PHACTR3: variants seen among roughly 807,000 people sequenced by gnomAD.
PHACTR3 encodes the protein phosphatase and actin regulator 3.
A neutral mutation model predicts 66.8 loss-of-function variants in PHACTR3; 16 were observed. That is an observed-to-expected ratio of 0.24 (90% CI 0.16 to 0.36). The LOEUF is 0.36. Among genes scored for constraint, PHACTR3 ranks in the 10% least tolerant of loss-of-function variants. The pLI, the probability that PHACTR3 is intolerant of heterozygous loss-of-function variation, is 1.00. For missense variants in PHACTR3, 647 were observed against 719.9 expected (o/e 0.90, Z 1.16); for synonymous variants, 323 against 292.1 (o/e 1.11, Z -1.08).
chr20:59,650,145 CAAAG>C (rs372420918), intron 1 of PHACTR3, among the ~76,000 whole-genome samples: 10 of 151,904 alleles, frequency 6.6e-5, no homozygotes, highest in Non-Finnish European at 8.8e-5. Flanking sequence ...ACACATGAAA[CAAAG>C]AAATATTTAT....
chr20:59,662,278 G>A (rs778635166), intron 1 of PHACTR3, among the ~76,000 whole-genome samples: 18 of 152,166 alleles, frequency 1.2e-4, no homozygotes, highest in Non-Finnish European at 2.5e-4. Context: ...TATGGTGGGG[G>A]CATTTAGCAG....
intron 7 of PHACTR3, among the ~76,000 whole-genome samples, chr20:59,786,821 A>G (rs977443983): frequency 3.3e-5 from 5 of 151,288 alleles, no homozygotes. Context: ...TTTTCTGTGC[A>G]GTTGACGGGT....
intron 1 of PHACTR3, among the ~76,000 whole-genome samples, chr20:59,589,835 C>A (rs1312409495): frequency 6.6e-6 from 1 of 152,242 alleles, no homozygotes; most frequent in African/African-American, 2.4e-5. Flanking sequence ...AGTGCCAATT[C>A]TAGAAGAGGG....
chr20:59,709,078 T>A (rs2146638799), intron 1 of PHACTR3, among the ~76,000 whole-genome samples: 1 of 152,312 alleles, frequency 6.6e-6, no homozygotes, highest in African/African-American at 2.4e-5. Context: ...ATGCTCTTCA[T>A]AGAGTATGAG....
intron 1 of PHACTR3, among the ~76,000 whole-genome samples, chr20:59,695,074 C>A (rs1448093729): frequency 6.6e-6 from 1 of 152,042 alleles, no homozygotes; most frequent in South Asian, 2.1e-4. Context: ...CCCAGTCACA[C>A]AAAACCCCAC....
Position 59,829,911 on chromosome 20 carries a change from G to C in PHACTR3, c.1329-6594G>C, listed in dbSNP as rs1177783757. ...GCGTTTAGTGGGGCAGCCTGGCTGG[G>C]TGGGGCTTCATTGGGGAAGCAAAGC... On this transcript the variant is annotated intron_variant, in intron 8 of 12. Coordinates refer to ENST00000371015, the MANE Select transcript of PHACTR3 (RefSeq NM_080672.5). This position sits in a 1 kb window ranked among gnomAD's most constrained non-coding sequence, Gnocchi z 4.2. 6.6e-6 allele frequency among the ~76,000 whole-genome samples: 1 copy of C among 152,196 alleles called. No homozygotes were observed. The highest frequency in any genetic ancestry group is 6.5e-5 in the Admixed American group (1 of 15,288).
At chr20:59,841,740 T>G (rs553742408) in intron 11 of PHACTR3, among the ~76,000 whole-genome samples, 1 of 152,252 alleles carries the variant, frequency 6.6e-6, no homozygotes, top group Admixed American at 6.5e-5. Flanking sequence ...GAGGGACATT[T>G]GGCAATGTCT....
intron 1 of PHACTR3, among the ~76,000 whole-genome samples, chr20:59,694,942 G>A (rs1444258237): frequency 6.6e-6 from 1 of 152,100 alleles, no homozygotes; most frequent in East Asian, 1.9e-4. Context: ...ATGGCTTTGA[G>A]CAGCAATTGG....
At chr20:59,638,541 G>A (rs1249481667) in intron 1 of PHACTR3, among the ~76,000 whole-genome samples, 1 of 118,316 alleles carries the variant, frequency 8.5e-6, no homozygotes, top group Admixed American at 1.1e-4. Context: ...TGATTGCTAG[G>A]TAGATATATG....
At chr20:59,698,079 TG>T (rs1282172608) in intron 1 of PHACTR3, among the ~76,000 whole-genome samples, 1 of 152,134 alleles carries the variant, frequency 6.6e-6, no homozygotes, top group East Asian at 1.9e-4. Context: ...TATGAAAAAC[TG>T]GGAAAAAATC....
intron 1 of PHACTR3, among the ~76,000 whole-genome samples, chr20:59,689,559 T>C (rs1197140776): frequency 6.6e-6 from 1 of 152,192 alleles, no homozygotes; most frequent in Non-Finnish European, 1.5e-5. Flanking sequence ...TTGGTTTGGA[T>C]ACTAGGATGT....
intron 1 of PHACTR3, among the ~76,000 whole-genome samples, chr20:59,660,486 C>T (rs765269021): frequency 3.9e-5 from 6 of 152,104 alleles, no homozygotes; most frequent in Non-Finnish European, 8.8e-5. Context: ...AGCGAGACTC[C>T]GTCTCAAAAA....
At chr20:59,721,607 A>G (rs1003464841) in intron 1 of PHACTR3, among the ~76,000 whole-genome samples, 6 of 152,218 alleles carry the variant, frequency 3.9e-5, no homozygotes, top group African/African-American at 1.4e-4. Flanking sequence ...AAGTGCGTGT[A>G]AAGTTCTTGA....
intron 1 of PHACTR3, among the ~76,000 whole-genome samples, chr20:59,679,429 A>G (rs2036567844): frequency 6.6e-6 from 1 of 152,178 alleles, no homozygotes; most frequent in Non-Finnish European, 1.5e-5. Context: ...ATTTCATACT[A>G]TTTCTATTTC....
intron 3 of PHACTR3, among the ~76,000 whole-genome samples, chr20:59,748,060 C>A (rs556905265): frequency 5.9e-5 from 9 of 152,352 alleles, no homozygotes; most frequent in South Asian, 4.1e-4. Flanking sequence ...AGAGCTCCCC[C>A]TCATGGCACC....
At chr20:59,665,971 C>T (rs2035973367) in intron 1 of PHACTR3, among the ~76,000 whole-genome samples, 1 of 152,140 alleles carries the variant, frequency 6.6e-6, no homozygotes, top group Non-Finnish European at 1.5e-5. Context: ...CTGAAGCCAG[C>T]TGCTGGGCAC....
chr20:59,747,157 G>A (rs1040381078), intron 2 of PHACTR3, among the ~76,000 whole-genome samples: 1 of 152,238 alleles, frequency 6.6e-6, no homozygotes, highest in Admixed American at 6.5e-5. Flanking sequence ...TATTCTGAAG[G>A]CGGAATTGAC....
At chr20:59,672,545 C>T (rs1282863991) in intron 1 of PHACTR3, among the ~76,000 whole-genome samples, 1 of 152,202 alleles carries the variant, frequency 6.6e-6, no homozygotes, top group African/African-American at 2.4e-5. Flanking sequence ...CCTCCTGAGC[C>T]TCAGTTTCCT....
intron 1 of PHACTR3, among the ~76,000 whole-genome samples, chr20:59,640,640 A>G (rs185526738): frequency 6.6e-6 from 1 of 152,230 alleles, no homozygotes; most frequent in Non-Finnish European, 1.5e-5. Context: ...TTGGAAGTCT[A>G]GGTTTCCATG....
Sources: allele counts gnomAD v4.1 joint callset (sites outside exome capture counted in the v4.1 genomes callset), GRCh38; gene constraint gnomAD v4.1.1; non-coding constraint Gnocchi (gnomAD v3.1); transcripts MANE v1.5; gene names NCBI Gene and HGNC (gene_info 2026-07-23, HGNC 2026-07-21).